CCDC158: variants seen among roughly 807,000 people sequenced by gnomAD.
CCDC158 encodes coiled-coil domain containing 158, also known as coiled-coil domain-containing protein 158.
CCDC158 carries 116 observed loss-of-function variants against 138.6 expected under a neutral mutation model. The ratio of observed to expected loss-of-function variants is 0.84; its 90% CI spans 0.72 to 0.98. CCDC158 has a LOEUF of 0.98. CCDC158 is among the 50% of genes least tolerant of loss of function. CCDC158 has a pLI of 0.00. For missense variants in CCDC158, 1,265 were observed against 1,306.1 expected (o/e 0.97, Z 0.48); for synonymous variants, 436 against 442.4 (o/e 0.99, Z 0.18).
At position 76,362,289 on chromosome 4, in the gene CCDC158, C is replaced by A. The variant is rs756860152; in HGVS notation, c.1857G>T (p.Lys619Asn). 1.2e-5 allele frequency: 20 copies of A among 1,612,424 alleles called. No homozygotes were observed. In the Admixed American group the frequency reaches 2.0e-4, roughly 16 times the overall value. Residue 619 changes from lysine to asparagine, a missense_variant, in exon 13 of 25, where the codon AAG becomes AAT. By Grantham distance (94) the Lys-to-Asn change is moderately conservative (BLOSUM62 0). Transcript: ENST00000682701. Reference sequence around the variant, plus strand: ...TCACTCTGGCCTCAAGCTCCCGGATCTTTGCATCTTTTTTATCTTTTAATA... The same window carrying A: ...TCACTCTGGCCTCAAGCTCCCGGATATTTGCATCTTTTTTATCTTTTAATA... ...LKILKDKKDA[K>N]IRELEARVSD...
At chr4:76,314,982 A>G (rs1050404351) in intron 24 of CCDC158, among the ~76,000 whole-genome samples, 1 of 152,176 alleles carries the variant, frequency 6.6e-6, no homozygotes, top group Admixed American at 6.5e-5. Flanking sequence ...TGAAAGCCAT[A>G]CTTGCTTTGT....
At chr4:76,395,356 T>G (rs900678660) in intron 4 of CCDC158, among the ~76,000 whole-genome samples, 12 of 152,188 alleles carry the variant, frequency 7.9e-5, no homozygotes, top group African/African-American at 2.9e-4. Context: ...AGATTTTTTT[T>G]TCCTAAAAGT....
At chr4:76,329,728 C>T (rs1720856553) in intron 21 of CCDC158, among the ~76,000 whole-genome samples, 2 of 152,186 alleles carry the variant, frequency 1.3e-5, no homozygotes, top group Admixed American at 6.5e-5. Context: ...GGCAGCAGTT[C>T]TCAAAGTGGT....
At chr4:76,412,822 T>A (rs903676851) in intron 1 of CCDC158, among the ~76,000 whole-genome samples, 1 of 152,246 alleles carries the variant, frequency 6.6e-6, no homozygotes. Flanking sequence ...TTTAATTATA[T>A]GCTATTGGCC....
intron 22 of CCDC158, among the ~76,000 whole-genome samples, chr4:76,327,822 C>T (rs1201941315): frequency 6.6e-6 from 1 of 152,180 alleles, no homozygotes; most frequent in Non-Finnish European, 1.5e-5. Context: ...TTTATAACTA[C>T]ATTTTTGTTG....
chr4:76,367,236 G>A, intron 12 of CCDC158, 58 bp downstream of exon 12: 1 of 1,559,892 alleles, frequency 6.4e-7, no homozygotes, highest in Non-Finnish European at 8.7e-7. Flanking sequence ...TTCAGTACAG[G>A]TCATACCTGC....
chr4:76,367,588 G>A lies in CCDC158; in HGVS notation c.1536C>T (p.Ile512=). ...TTGTGATCTCTGCATTGGTAGCCTC[G>A]ATGGCTCTCTCTTTTTCCTGGAGAG... The part of the protein sequence containing the change: ...TTSLQEKERA[I]EATNAEITKL... The change falls in exon 12 of 25, where the codon ATC becomes ATT. Residue 512 remains isoleucine (I), a synonymous_variant. Coordinates refer to ENST00000682701, the MANE Select transcript of CCDC158 (RefSeq NM_001394954.1). 3.1e-6 allele frequency: 5 copies of A among 1,614,180 alleles called. No homozygotes were observed. The highest frequency in any genetic ancestry group is 1.3e-5 in the African/African-American group (1 of 75,054).
At chr4:76,385,422 G>T (rs987881578) in intron 4 of CCDC158, among the ~76,000 whole-genome samples, 13 of 152,080 alleles carry the variant, frequency 8.5e-5, no homozygotes, top group African/African-American at 3.1e-4. Flanking sequence ...TATTTACAGA[G>T]AAATTCAAGA....
At chr4:76,344,621 G>C in intron 18 of CCDC158, 1 of 1,488,464 alleles carries the variant, frequency 6.7e-7, no homozygotes, top group Non-Finnish European at 9.4e-7. Context: ...TGCTCAGTGA[G>C]AGAGATAAAG....
chr4:76,384,722 C>T lies in CCDC158; in HGVS notation c.289-57G>A, dbSNP rs1726626349. 1.4e-5 allele frequency: 16 copies of T among 1,138,420 alleles called. No homozygotes were observed. The South Asian group carries it at 1.8e-4, about 13-fold the overall frequency. The allele number at this position is 1,138,420 out of a possible 1,614,324, so 70.5% of individuals were successfully genotyped here. Reference sequence around the variant, plus strand: ...ATTAGAGAAACACATTTCCTTATAGCTAGTAACTTCCAAAGATCTATATAT... The same window carrying T: ...ATTAGAGAAACACATTTCCTTATAGTTAGTAACTTCCAAAGATCTATATAT... On this transcript the variant is annotated intron_variant, in intron 4 of 24. Coordinates refer to ENST00000682701, the MANE Select transcript of CCDC158 (RefSeq NM_001394954.1).
intron 4 of CCDC158, among the ~76,000 whole-genome samples, chr4:76,394,981 A>G (rs1727646506): frequency 6.6e-6 from 1 of 152,086 alleles, no homozygotes; most frequent in South Asian, 2.1e-4. Flanking sequence ...TCTAATAAGG[A>G]TATGTAAAGG....
At chr4:76,381,764 CT>C (rs955841281) in intron 8 of CCDC158, among the ~76,000 whole-genome samples, 1 of 152,170 alleles carries the variant, frequency 6.6e-6, no homozygotes, top group Non-Finnish European at 1.5e-5. Context: ...TCACTGCAAG[CT>C]CTGCCTCCCG....
chr4:76,316,707 A>G (rs1055568977), intron 24 of CCDC158, among the ~76,000 whole-genome samples: 1 of 152,130 alleles, frequency 6.6e-6, no homozygotes, highest in African/African-American at 2.4e-5. Context: ...AGAGCTGCAA[A>G]GTAAAAGTAT....
chr4:76,332,895 T>C (rs1721126696), intron 19 of CCDC158, among the ~76,000 whole-genome samples: 1 of 152,080 alleles, frequency 6.6e-6, no homozygotes, highest in Non-Finnish European at 1.5e-5. Context: ...GGAGCAAGGG[T>C]CTGTAACTTT....
intron 23 of CCDC158, among the ~76,000 whole-genome samples, chr4:76,324,371 G>C (rs1239877604): frequency 6.6e-6 from 1 of 151,992 alleles, no homozygotes; most frequent in Non-Finnish European, 1.5e-5. Flanking sequence ...ATTTTTAATA[G>C]AGATGGGGTT....
chr4:76,314,423 T>C (rs1719178115), intron 24 of CCDC158, among the ~76,000 whole-genome samples: 1 of 152,174 alleles, frequency 6.6e-6, no homozygotes, highest in African/African-American at 2.4e-5. Flanking sequence ...GAGCAACGTG[T>C]GGAGACTCAC....
At chr4:76,345,653 A>G in intron 18 of CCDC158, 1 of 763,346 alleles carries the variant, frequency 1.3e-6, no homozygotes, top group Non-Finnish European at 2.4e-6. Flanking sequence ...CTTGCACTTA[A>G]ATCATTACCA....
intron 9 of CCDC158, among the ~76,000 whole-genome samples, chr4:76,374,806 T>TAA (rs879859439): frequency 1.4e-5 from 2 of 144,074 alleles, no homozygotes; most frequent in African/African-American, 5.0e-5. Flanking sequence ...TGCTTTCACT[T>TAA]AAAAAAAAAA....
chr4:76,387,816 A>C (rs60394572), intron 4 of CCDC158, among the ~76,000 whole-genome samples: 3,745 of 101,548 alleles, frequency 0.037, 185 homozygotes, highest in African/African-American at 0.12. Context: ...GAGACAGACT[A>C]CAACTAAAAA....
Sources: gnomAD v4.1 joint callset for allele counts (sites outside exome capture counted in the v4.1 genomes callset) on GRCh38, gnomAD v4.1.1 for gene constraint, MANE v1.5 for transcripts, NCBI Gene and HGNC (gene_info 2026-07-23, HGNC 2026-07-21) for gene names.